Variants in CALB2 observed in about 807,000 individuals in gnomAD.
CALB2 encodes the protein calretinin.
A neutral mutation model predicts 45.9 loss-of-function variants in CALB2; 34 were observed. The ratio of observed to expected loss-of-function variants is 0.74; its 90% CI spans 0.56 to 0.99. CALB2 has a LOEUF of 0.99. CALB2 is among the 50% of genes least tolerant of loss of function. The pLI, the probability that CALB2 is intolerant of heterozygous loss-of-function variation, is 0.00. For synonymous variants in CALB2, 142 were observed against 129.6 expected (o/e 1.10, Z -0.65); for missense variants, 344 against 339.3 (o/e 1.01, Z -0.11).
intron 1 of CALB2, among the ~76,000 whole-genome samples, chr16:71,367,943 C>T (rs890354537): frequency 8.5e-5 from 13 of 152,284 alleles, no homozygotes; most frequent in South Asian, 6.2e-4. Context: ...TCCCTGCCTC[C>T]AGTTTTCCTC....
chr16:71,384,213 GATTC>G (rs1421508185), intron 7 of CALB2, 122 bp from the exon 8 acceptor site: 1 of 994,084 alleles, frequency 1.0e-6, no homozygotes, highest in Non-Finnish European at 1.6e-6. Context: ...ACTTCCCACT[GATTC>G]ATTATGTGTG....
At chr16:71,360,031 T>G (rs915001956) in intron 1 of CALB2, among the ~76,000 whole-genome samples, 1 of 152,216 alleles carries the variant, frequency 6.6e-6, no homozygotes, top group East Asian at 1.9e-4. Flanking sequence ...AGGCTCAGCC[T>G]TGTGGGCTCT....
At chr16:71,382,203 A>G (rs1047813818) in intron 4 of CALB2, among the ~76,000 whole-genome samples, 1 of 135,890 alleles carries the variant, frequency 7.4e-6, no homozygotes, top group Non-Finnish European at 1.7e-5. Flanking sequence ...AAAAAATTAG[A>G]AATATGTGGC....
At chr16:71,387,819 T>C (rs951381682) in intron 10 of CALB2, among the ~76,000 whole-genome samples, 2 of 152,168 alleles carry the variant, frequency 1.3e-5, no homozygotes, top group African/African-American at 4.8e-5. Flanking sequence ...TTATGTGACA[T>C]TTCCAAGAAC....
Position 71,374,809 on chromosome 16 carries a change from C to T in CALB2, c.236C>T (p.Ser79Leu). ...TTCATGCAGAAGTATGATAAAAACT[C>T]AGATGGGAAAATCGAGATGGCAGAG... ...KEFMQKYDKN[S>L]DGKIEMAELA... is the part of the protein sequence containing the mutation. Residue 79 changes from serine to leucine, a missense_variant, in exon 3 of 11, where the codon TCA becomes TTA. This residue lies in a region of CALB2 where 4 missense variants were observed against 17.1 expected (regional missense o/e 0.23). Coordinates refer to ENST00000302628, the MANE Select transcript of CALB2 (RefSeq NM_001740.5). The T allele has an allele frequency of 6.2e-7, 1 of 1,613,164 alleles. No individual in the cohort carries two copies.
chr16:71,384,957 TC>T, intron 9 of CALB2, 121 bp downstream of exon 9: 1 of 783,780 alleles, frequency 1.3e-6, no homozygotes, highest in Admixed American at 2.0e-5. Flanking sequence ...TGTGGTTTCT[TC>T]CTGCCGCATC....
chr16:71,386,007 T>G (rs963437645), intron 10 of CALB2, among the ~76,000 whole-genome samples: 3 of 152,134 alleles, frequency 2.0e-5, no homozygotes, highest in Non-Finnish European at 4.4e-5. Flanking sequence ...TAACTCTCCA[T>G]TCCCCTGTCC....
At chr16:71,384,204 C>A in intron 7 of CALB2, 135 bp from the exon 8 acceptor site, 2 of 999,190 alleles carry the variant, frequency 2.0e-6, no homozygotes, top group Non-Finnish European at 3.2e-6. Context: ...CGTTTTTGAA[C>A]TTCCCACTGA....
At chr16:71,365,467 A>T (rs1004601146) in intron 1 of CALB2, among the ~76,000 whole-genome samples, 1 of 152,208 alleles carries the variant, frequency 6.6e-6, no homozygotes, top group African/African-American at 2.4e-5. Context: ...CATTTCTAAG[A>T]AGCCCCCAAG....
rs549805703 is a variant in CALB2 at position 71,387,057 on chromosome 16, A to G, written c.699+1409A>G. Among the ~76,000 whole-genome samples, 127 of 152,314 alleles carry G rather than the reference A, an allele frequency of 8.3e-4. 4 individuals carry two copies. In the South Asian group the frequency reaches 0.025, roughly 30 times the overall value. On this transcript the variant is annotated intron_variant, in intron 10 of 10. Coordinates refer to ENST00000302628, the MANE Select transcript of CALB2 (RefSeq NM_001740.5). ...AAGGAATGTTGGGCACCATAGTGGA[A>G]AATACCTTTATGTGTAATTGTATGA...
At chr16:71,375,613 ATTG>A (rs2042401873) in intron 3 of CALB2, among the ~76,000 whole-genome samples, 1 of 152,228 alleles carries the variant, frequency 6.6e-6, no homozygotes, top group East Asian at 1.9e-4. Flanking sequence ...CCCAGGGTAT[ATTG>A]TTGGGATGCT....
At chr16:71,372,090 G>T in intron 1 of CALB2, 63 bp from the exon 2 acceptor site, 1 of 1,145,868 alleles carries the variant, frequency 8.7e-7, no homozygotes. Context: ...CCCCCGACAT[G>T]CCCACCCCGT....
intron 1 of CALB2, among the ~76,000 whole-genome samples, chr16:71,365,423 C>T (rs1281423615): frequency 6.6e-6 from 1 of 152,178 alleles, no homozygotes; most frequent in African/African-American, 2.4e-5. Context: ...CACCCCATCC[C>T]CAGAGACTCA....
intron 1 of CALB2, among the ~76,000 whole-genome samples, chr16:71,363,996 C>A (rs1412071125): frequency 6.6e-6 from 1 of 152,146 alleles, no homozygotes. Flanking sequence ...CCGCCTGACC[C>A]ATCTGGGGTA....
At chr16:71,384,469 A>G (rs573769336) in intron 8 of CALB2, 91 bp downstream of exon 8, 7 of 945,692 alleles carry the variant, frequency 7.4e-6, no homozygotes, top group Middle Eastern at 2.1e-4. Flanking sequence ...CACACAACAC[A>G]CTACACACAC....
intron 2 of CALB2, 136 bp downstream of exon 2, chr16:71,372,365 A>T: frequency 1.6e-6 from 1 of 618,770 alleles, no homozygotes; most frequent in Non-Finnish European, 2.8e-6. Flanking sequence ...GTAAGGATAA[A>T]AAATAGACTG....
At position 71,358,901 on chromosome 16, in the gene CALB2, C is replaced by T. The variant is rs1180657626; in HGVS notation, c.94+15C>T. 2 of 1,609,226 alleles carry T rather than the reference C, an allele frequency of 1.2e-6. No homozygotes were observed. Among genetic ancestry groups the T allele is most frequent in the Non-Finnish European group, 1.7e-6 (2 of 1,177,192 alleles). Reference sequence around the variant, plus strand: ...TGACGCAGACGGTCAGTAAAGCTCCCAACTTCTGTGCCCATTGGCACCCAG... The same window carrying T: ...TGACGCAGACGGTCAGTAAAGCTCCTAACTTCTGTGCCCATTGGCACCCAG... On this transcript the variant is annotated intron_variant, in intron 1 of 10. Transcript: ENST00000302628.
chr16:71,384,990 A>C (rs892981885), intron 9 of CALB2, among the ~76,000 whole-genome samples, 154 bp downstream of exon 9: 4 of 151,986 alleles, frequency 2.6e-5, no homozygotes, highest in Non-Finnish European at 5.9e-5. Flanking sequence ...GAGAAGGCAA[A>C]TGTCATTCTC....
At chr16:71,384,480 C>CA (rs377373283) in intron 8 of CALB2, 102 bp downstream of exon 8, 1 of 805,776 alleles carries the variant, frequency 1.2e-6, no homozygotes. Flanking sequence ...CTACACACAC[C>CA]CACACACACC....
Sources: gnomAD v4.1 joint callset for allele counts (sites outside exome capture counted in the v4.1 genomes callset) on GRCh38, gnomAD v4.1.1 for gene constraint, gnomAD v4.1.1 regional missense constraint, MANE v1.5 for transcripts, NCBI Gene and HGNC (gene_info 2026-07-23, HGNC 2026-07-21) for gene names.